RELA: variants seen among roughly 807,000 people sequenced by gnomAD.
RELA encodes RELA proto-oncogene, NF-kB subunit.
Under a neutral mutation model 56.7 loss-of-function variants are expected in RELA, and 14 were observed. The observed-to-expected ratio is 0.25, with a 90% CI of 0.16 to 0.39. The LOEUF is 0.39. Ranked by LOEUF, RELA falls within the 10% of genes least tolerant of loss-of-function variation. RELA has a pLI of 1.00. For synonymous variants in RELA, 315 were observed against 289.7 expected (o/e 1.09, Z -0.89); for missense variants, 559 against 736.4 (o/e 0.76, Z 2.79).
Position 65,662,198 on chromosome 11 carries a change from G to C in RELA, c.15C>G (p.Phe5Leu). ...ACTTACCTGCCGGGAAGATGAGGGG[G>C]AACAGTTCTGAAAGGGGAGGGAGAT... is the stretch of plus-strand genomic sequence containing the variant. MDELFPLIFPAEPAQ... is the reference protein window; with the variant it reads MDELLPLIFPAEPAQ... The change falls in exon 2 of 11, where the codon TTC (phenylalanine) becomes TTG (leucine). Residue 5 changes from phenylalanine (F) to leucine (L), a missense_variant. Physicochemically the swap from Phe to Leu is conservative, Grantham distance 22. Coordinates refer to ENST00000406246, the MANE Select transcript of RELA (RefSeq NM_021975.4). 6.3e-7 allele frequency: 1 copy of C among 1,579,322 alleles called. No individual in the cohort carries two copies. The highest frequency in any genetic ancestry group is 8.6e-7 in the Non-Finnish European group (1 of 1,167,548).
At position 65,662,433 on chromosome 11, in the gene RELA, A is replaced by C; in HGVS notation, c.8-228T>G. On this transcript the variant is annotated intron_variant, in intron 1 of 10. Transcript: ENST00000406246. ...ATCCTTCTTCTCCAGAGGGAAGCTGAATCAGGGCCTGTTGTACTTTCTTAA... is the reference window on the plus strand; with the variant it reads ...ATCCTTCTTCTCCAGAGGGAAGCTGCATCAGGGCCTGTTGTACTTTCTTAA... The C allele has an allele frequency of 3.7e-6, 2 of 536,018 alleles. 1 individual carries two copies. The allele number at this position is 536,018 out of a possible 1,614,324, so 33.2% of individuals were successfully genotyped here. A position where few individuals can be genotyped will look rare whatever the true frequency, so the allele number is the denominator to read the frequency against.
In RELA at chr11:65,661,378, G is replaced by A. The variant is rs187585051; in HGVS notation, c.335+309C>T. On this transcript the variant is annotated intron_variant, in intron 4 of 10. Transcript: ENST00000406246. ...GTCAACTGCAATGTCAACTCCAGGG[G>A]AGAGTGCTGGTTCAATGGTTTTCTT... The A allele has an allele frequency of 1.3e-4, 37 of 286,370 alleles. 1 individual carries two copies. The highest frequency in any genetic ancestry group is 8.2e-4 in the Admixed American group (17 of 20,682). 17.7% of individuals were successfully genotyped at this position (286,370 alleles called of 1,614,324 possible). A position where few individuals can be genotyped will look rare whatever the true frequency, so the allele number is the denominator to read the frequency against.
At chr11:65,661,641 C>T in intron 4 of RELA, 46 bp downstream of exon 4, 1 of 1,519,194 alleles carries the variant, frequency 6.6e-7, no homozygotes, top group East Asian at 2.3e-5. Context: ...TCATAGCCCG[C>T]CTCCTGTCCC....
At chr11:65,657,162 G>A (rs1425633515) in intron 8 of RELA, among the ~76,000 whole-genome samples, 1 of 152,164 alleles carries the variant, frequency 6.6e-6, no homozygotes. Context: ...GGTCAGGGAA[G>A]GACTGGCATG....
intron 10 of RELA, 61 bp from the exon 11 acceptor site, chr11:65,655,061 C>T (rs1590931813): frequency 1.5e-6 from 2 of 1,342,086 alleles, no homozygotes; most frequent in African/African-American, 1.4e-5. Context: ...ACCCCGTCCT[C>T]TGTACCCCAG....
chr11:65,654,210 GAGAT>G lies in RELA; in HGVS notation c.*164_*167del. 1.2e-6 allele frequency: 1 copy of G among 850,964 alleles called. No individual in the cohort carries two copies. The highest frequency in any genetic ancestry group is 2.0e-5 in the Admixed American group (1 of 50,002). The allele number at this position is 850,964 out of a possible 1,614,324, so 52.7% of individuals were successfully genotyped here. A position where few individuals can be genotyped will look rare whatever the true frequency, so the allele number is the denominator to read the frequency against. On this transcript the variant is annotated 3_prime_UTR_variant, in exon 11 of 11. Coordinates refer to ENST00000406246, the MANE Select transcript of RELA (RefSeq NM_021975.4). The stretch of plus-strand genomic sequence containing the variant: ...GCTTAAGCACCTCCAAAAAGAGAGA[GAGAT>G]ACAGATACTGACAATAAAAGAATAA...
rs749685071 is a variant in RELA at position 65,654,140 on chromosome 11, T to TTTCCC, written c.*237_*238insGGGAA. ...CTGACCATCAGGACAGGGGAAAAGT[T>TTTCCC]TGAGTTTCCCCAGCTCCCCCCTTTC... On this transcript the variant is annotated 3_prime_UTR_variant, in exon 11 of 11. Coordinates refer to ENST00000406246, the MANE Select transcript of RELA (RefSeq NM_021975.4). 461 of 582,628 alleles carry TTTCCC rather than the reference T, an allele frequency of 7.9e-4. 3 individuals are homozygous for TTTCCC. The highest frequency in any genetic ancestry group is 1.4e-3 in the Middle Eastern group (3 of 2,114). 36.1% of individuals were successfully genotyped at this position (582,628 alleles called of 1,614,324 possible). A position where few individuals can be genotyped will look rare whatever the true frequency, so the allele number is the denominator to read the frequency against.
chr11:65,656,686 G>A (rs1037162154), intron 8 of RELA, among the ~76,000 whole-genome samples: 1 of 152,140 alleles, frequency 6.6e-6, no homozygotes, highest in African/African-American at 2.4e-5. Flanking sequence ...CCAAAAAGTT[G>A]GCATCCTAGT....
chr11:65,657,397 G>A (rs1180181966), intron 8 of RELA, among the ~76,000 whole-genome samples: 1 of 150,666 alleles, frequency 6.6e-6, no homozygotes, highest in South Asian at 2.2e-4. Context: ...TGGCCTCCCT[G>A]CTTTGAGTCT....
At position 65,654,342 on chromosome 11, in the gene RELA, C is replaced by A; in HGVS notation, c.*36G>T. ...GCTTTTGGAGGGCTTCAATCCCCTGCAACCCAGTGCTCTGGGGAGGGCAGG... is the reference window on the plus strand; with the variant it reads ...GCTTTTGGAGGGCTTCAATCCCCTGAAACCCAGTGCTCTGGGGAGGGCAGG... On this transcript the variant is annotated 3_prime_UTR_variant, in exon 11 of 11. Transcript: ENST00000406246. The A allele has an allele frequency of 6.2e-7, 1 of 1,613,660 alleles. No individual in the cohort carries two copies. The highest frequency in any genetic ancestry group is 8.5e-7 in the Non-Finnish European group (1 of 1,179,972).
chr11:65,658,293 C>T lies in RELA; in HGVS notation c.871G>A (p.Asp291Asn), dbSNP rs61759893. The T allele has an allele frequency of 4.3e-3, 6,821 of 1,594,254 alleles. 25 individuals are homozygous for T. Among genetic ancestry groups the T allele is most frequent in the Non-Finnish European group, 4.9e-3 (5,685 of 1,171,034 alleles). Residue 291 changes from aspartate to asparagine, a missense_variant, in exon 8 of 11, where the codon GAT (aspartate) becomes AAT (asparagine). Asp to Asn is a conservative substitution (Grantham distance 23). Coordinates refer to ENST00000406246, the MANE Select transcript of RELA (RefSeq NM_021975.4). This position sits in a 1 kb window ranked among gnomAD's most constrained non-coding sequence, Gnocchi z 4.5. Reference sequence around the variant, plus strand: ...TGCCACCCCAGCTGTGTACCTGTATCTGGCAGGTACTGGAATTCCATGGGC... The same window carrying T: ...TGCCACCCCAGCTGTGTACCTGTATTTGGCAGGTACTGGAATTCCATGGGC... Reference protein sequence around the residue: ...SEPMEFQYLPDTDDRHRIEEK... With the variant: ...SEPMEFQYLPNTDDRHRIEEK...
upstream of RELA, chr11:65,662,920 C>G (rs918683565): frequency 3.7e-5 from 40 of 1,072,920 alleles, no homozygotes; most frequent in Admixed American, 9.3e-5. Context: ...CGGAAATGCG[C>G]CGCGCGGCCC....
Position 65,654,626 on chromosome 11 carries a change from C to T in RELA, c.1408G>A (p.Asp470Asn). 1.2e-6 allele frequency: 2 copies of T among 1,606,506 alleles called. No individual in the cohort carries two copies. The highest frequency in any genetic ancestry group is 1.7e-6 in the Non-Finnish European group (2 of 1,176,846). ...AGCAGCTGCTGAAACTCGGAGTTGT[C>T]GACGGATGCCAGGTCTGTGAACACA... is the stretch of plus-strand genomic sequence containing the variant. ...PAVFTDLASV[D>N]NSEFQQLLNQ... is the part of the protein sequence containing the mutation. Residue 470 changes from aspartate (D) to asparagine (N), a missense_variant, in exon 11 of 11, where the codon GAC (aspartate) becomes AAC (asparagine). Asp to Asn is a conservative substitution (Grantham distance 23). This residue lies in a region of RELA where 365 missense variants were observed against 387.5 expected (regional missense o/e 0.94). Coordinates refer to ENST00000406246, the MANE Select transcript of RELA (RefSeq NM_021975.4).
Position 65,662,807 on chromosome 11 carries a change from G to C in RELA, c.7+19C>G. 8.3e-7 allele frequency: 1 copy of C among 1,200,200 alleles called. No individual in the cohort carries two copies. 74.3% of individuals were successfully genotyped at this position (1,200,200 alleles called of 1,614,324 possible). A position where few individuals can be genotyped will look rare whatever the true frequency, so the allele number is the denominator to read the frequency against. On this transcript the variant is annotated intron_variant, in intron 1 of 10. Transcript: ENST00000406246. The stretch of plus-strand genomic sequence containing the variant: ...CGGCCCCGGCGATGCCACCCCGCGG[G>C]GTCAGAGGGCGACCTCACCGTCCAT...
Position 65,654,332 on chromosome 11 carries a change from C to T in RELA, c.*46G>A. ...ATCCGTAAGTGCTTTTGGAGGGCTT[C>T]AATCCCCTGCAACCCAGTGCTCTGG... On this transcript the variant is annotated 3_prime_UTR_variant, in exon 11 of 11. Transcript: ENST00000406246. 2 of 1,613,304 alleles carry T rather than the reference C, an allele frequency of 1.2e-6. No homozygotes were observed. The highest frequency in any genetic ancestry group is 1.7e-6 in the Non-Finnish European group (2 of 1,179,892).
rs1277619988 is a variant in RELA at position 65,661,997 on chromosome 11, G to A, written c.126C>T (p.Ser42=). The change falls in exon 3 of 11, where the codon TCC becomes TCT. Residue 42 remains serine (S), a synonymous_variant. Transcript: ENST00000406246. ...MRFRYKCEGR[S]AGSIPGERST... is the part of the protein sequence containing the mutation. ...TCCTCTCGCCTGGGATGCTGCCCGC[G>A]GAGCGCCCCTCGCACTTGTAGCGGA... 1 of 1,613,726 alleles carries A rather than the reference G, an allele frequency of 6.2e-7. No homozygotes were observed. Among genetic ancestry groups the A allele is most frequent in the Non-Finnish European group, 8.5e-7 (1 of 1,179,944 alleles).
At chr11:65,661,573 G>A in intron 4 of RELA, 114 bp downstream of exon 4, 1 of 980,018 alleles carries the variant, frequency 1.0e-6, no homozygotes, top group Non-Finnish European at 1.5e-6. Context: ...CTGAGTCAGG[G>A]CAAGGAGTGA....
intron 4 of RELA, 191 bp downstream of exon 4, chr11:65,661,496 G>A: frequency 1.8e-6 from 1 of 544,928 alleles, no homozygotes; most frequent in Non-Finnish European, 3.2e-6. Flanking sequence ...CGTATCCCCT[G>A]GAACTCATCT....
chr11:65,662,424 G>A (rs1856595321), intron 1 of RELA: 4 of 554,242 alleles, frequency 7.2e-6, no homozygotes, highest in Admixed American at 7.6e-5. Context: ...CTTCTCCAGA[G>A]GGAAGCTGAA....
Sources: gnomAD v4.1 joint callset for allele counts (sites outside exome capture counted in the v4.1 genomes callset) on GRCh38, gnomAD v4.1.1 for gene constraint, gnomAD v4.1.1 regional missense constraint, Gnocchi (gnomAD v3.1) non-coding constraint, MANE v1.5 for transcripts, NCBI Gene and HGNC (gene_info 2026-07-23, HGNC 2026-07-21) for gene names.